MKRN1: variants seen among roughly 807,000 people sequenced by gnomAD.
MKRN1 encodes makorin ring finger protein 1.
MKRN1 carries 9 observed loss-of-function variants against 55.5 expected under a neutral mutation model. The ratio of observed to expected loss-of-function variants is 0.16; its 90% confidence interval spans 0.10 to 0.28. The LOEUF (loss-of-function observed/expected upper bound fraction) is 0.28. MKRN1 is among the 10% of genes least tolerant of loss of function. The pLI is 1.00. For synonymous variants in MKRN1, 253 were observed against 235.9 expected (o/e 1.07, Z -0.66); for missense variants, 488 against 626.7 (o/e 0.78, Z 2.36).
At chr7:140,455,291 TATC>T in intron 6 of MKRN1, 58 bp from the exon 7 acceptor site, 2 of 1,602,328 alleles carry the variant, frequency 1.2e-6, no homozygotes, top group African/African-American at 1.3e-5. Flanking sequence ...TGTATTTGAC[TATC>T]ATCCGGGGTT....
chr7:140,472,432 C>CA (rs911634997), intron 1 of MKRN1: 116 of 148,222 alleles, frequency 7.8e-4, no homozygotes, highest in East Asian at 2.1e-3. Context: ...GACTCCATTT[C>CA]AAAAAAAAAA....
At position 140,459,813 on chromosome 7, in the gene MKRN1, T is replaced by C. The variant is rs760593670; in HGVS notation, c.438A>G (p.Thr146=). 5.9e-5 allele frequency: 95 copies of C among 1,613,870 alleles called. No homozygotes were observed. In the Admixed American group the frequency reaches 1.6e-3, roughly 26 times the overall value. The part of the protein sequence containing the change: ...SIVGPLVEMN[T]GEAESRNSNF... ...TTGAATTTCTTGACTCAGCTTCGCC[T>C]GTATTCATTTCAACAAGTGGTCCAA... Residue 146 remains threonine (T), a synonymous_variant, in exon 3 of 8, where the codon ACA becomes ACG. Coordinates refer to ENST00000255977, the MANE Select transcript of MKRN1 (RefSeq NM_013446.4).
At position 140,459,020 on chromosome 7, in the gene MKRN1, G is replaced by A. The variant is rs751399882; in HGVS notation, c.758C>T (p.Ser253Leu). 5 of 1,613,706 alleles carry A rather than the reference G, an allele frequency of 3.1e-6. No homozygotes were observed. Among genetic ancestry groups the A allele is most frequent in the East Asian group, 2.2e-5 (1 of 44,892 alleles). ...VLHPMDAAQRSQHIKSCIEAH... is the reference protein window; with the variant it reads ...VLHPMDAAQRLQHIKSCIEAH... Reference sequence around the variant, plus strand: ...CTAAAGACTTACTTTGATATGCTGCGATCTCTGGGCAGCATCCATTGGATG... The same window carrying A: ...CTAAAGACTTACTTTGATATGCTGCAATCTCTGGGCAGCATCCATTGGATG... The change falls in exon 4 of 8, where the codon TCG becomes TTG. Residue 253 changes from serine (S) to leucine (L), a missense_variant. This residue lies in a region of MKRN1 where 278 missense variants were observed against 406.7 expected (regional missense o/e 0.68). Transcript: ENST00000255977.
At chr7:140,456,976 A>C in intron 4 of MKRN1, 110 bp from the exon 5 acceptor site, 1 of 1,120,336 alleles carries the variant, frequency 8.9e-7, no homozygotes, top group Non-Finnish European at 1.3e-6. Context: ...CTGAAAAAAC[A>C]ATGTTCCCAA....
chr7:140,465,856 C>A (rs572457657), intron 2 of MKRN1, among the ~76,000 whole-genome samples: 1 of 151,784 alleles, frequency 6.6e-6, no homozygotes. Flanking sequence ...CCGAGGTGGG[C>A]GGATCAGGAG....
Position 140,479,196 on chromosome 7 carries a change from C to T in MKRN1, c.149G>A (p.Gly50Asp). The change falls in exon 1 of 8, where the codon GGC becomes GAC. Residue 50 changes from glycine to aspartate, a missense_variant. Transcript: ENST00000255977. ...CTGTTTAGTCCAGCCGCCGCCGCTG[C>T]CGTCGCTGCCGCCGCCCCCTCCGCC... Reference protein sequence around the residue: ...GAGGGGGGSDGSGGGWTKQVT... With the variant: ...GAGGGGGGSDDSGGGWTKQVT... The T allele has an allele frequency of 6.8e-7, 1 of 1,464,114 alleles. No homozygotes were observed. The highest frequency in any genetic ancestry group is 1.3e-5 in the South Asian group (1 of 75,234). The allele number at this position is 1,464,114 out of a possible 1,614,324, so 90.7% of individuals were successfully genotyped here. A position where few individuals can be genotyped will look rare whatever the true frequency, so the allele number is the denominator to read the frequency against.
chr7:140,468,089 C>T (rs1275501901), intron 2 of MKRN1, among the ~76,000 whole-genome samples: 1 of 151,786 alleles, frequency 6.6e-6, no homozygotes, highest in African/African-American at 2.4e-5. Flanking sequence ...TCTACACAGT[C>T]CATTCAGATG....
rs752836500 is a variant in MKRN1 at position 140,454,466 on chromosome 7, G to A, written c.*51C>T. The A allele has an allele frequency of 9.8e-6, 15 of 1,536,614 alleles. No individual in the cohort carries two copies. The highest frequency in any genetic ancestry group is 4.1e-5 in the African/African-American group (3 of 73,440). On this transcript the variant is annotated 3_prime_UTR_variant, in exon 8 of 8. Transcript: ENST00000255977. ...CAGGCACTGCCACACCACCACAGGG[G>A]ACAGCTGCTGTCTGAGGTCAGCAGA... is the stretch of plus-strand genomic sequence containing the variant.
chr7:140,457,321 T>C (rs1451498352), intron 4 of MKRN1, among the ~76,000 whole-genome samples: 2 of 152,194 alleles, frequency 1.3e-5, no homozygotes, highest in African/African-American at 2.4e-5. Flanking sequence ...CTCAGCTTGA[T>C]AGACTGATGC....
chr7:140,458,988 C>A lies in MKRN1; in HGVS notation c.771+19G>T, dbSNP rs1197534589. 2.5e-6 allele frequency: 4 copies of A among 1,610,538 alleles called. No homozygotes were observed. In the African/African-American group the frequency reaches 5.3e-5, roughly 22 times the overall value. On this transcript the variant is annotated intron_variant, in intron 4 of 7. Coordinates refer to ENST00000255977, the MANE Select transcript of MKRN1 (RefSeq NM_013446.4). ...TGATTCTCACATCTAATAACACACA[C>A]ATCTCCCTAAAGACTTACTTTGATA...
At chr7:140,479,521 G>GGCCCAGAGCATGCGC (rs1795230832), upstream of MKRN1, 1 of 615,084 alleles carries the variant, frequency 1.6e-6, no homozygotes, top group African/African-American at 1.9e-5. Context: ...TTCAACTGCG[G>GGCCCAGAGCATGCGC]GCCCAGAGCA....
chr7:140,475,680 T>C (rs1795099237), intron 1 of MKRN1, among the ~76,000 whole-genome samples: 1 of 151,918 alleles, frequency 6.6e-6, no homozygotes. Flanking sequence ...TACAAATAAA[T>C]ACAAATAAAA....
intron 1 of MKRN1, 69 bp from the exon 2 acceptor site, chr7:140,472,080 C>A: frequency 6.4e-7 from 1 of 1,569,194 alleles, no homozygotes; most frequent in Non-Finnish European, 8.7e-7. Context: ...AATTAGTATT[C>A]ATGACTAATA....
intron 4 of MKRN1, among the ~76,000 whole-genome samples, chr7:140,458,724 T>C (rs912117312): frequency 1.3e-5 from 2 of 152,180 alleles, no homozygotes; most frequent in Non-Finnish European, 2.9e-5. Flanking sequence ...GTAGGACTTC[T>C]TTTTTTCTTT....
chr7:140,459,201 C>T lies in MKRN1; in HGVS notation c.577G>A (p.Gly193Ser). 6.2e-7 allele frequency: 1 copy of T among 1,613,916 alleles called. No homozygotes were observed. Among genetic ancestry groups the T allele is most frequent in the Non-Finnish European group, 8.5e-7 (1 of 1,179,856 alleles). The change falls in exon 4 of 8, where the codon GGC (glycine) becomes AGC (serine). Residue 193 changes from glycine to serine, a missense_variant. Gly to Ser is a moderately conservative substitution (Grantham distance 56). Transcript: ENST00000255977. Reference sequence around the variant, plus strand: ...TCTGATTCTTCCTTGGTCACTGAGCCCTGCAGGGGTGCTTCAGTGCAGGAA... The same window carrying T: ...TCTGATTCTTCCTTGGTCACTGAGCTCTGCAGGGGTGCTTCAGTGCAGGAA... ...APSCTEAPLQ[G>S]SVTKEESEKE...
chr7:140,454,643 G>A lies in MKRN1; in HGVS notation c.1323C>T (p.Thr441=), dbSNP rs1794416153. The change falls in exon 8 of 8, where the codon ACC becomes ACT. Residue 441 remains threonine (T), a synonymous_variant. Transcript: ENST00000255977. ...TAAGCAACATCTCGCCCAGCTCAAAGGTGACAACCTCTTCTTCATCGTTGT... is the reference window on the plus strand; with the variant it reads ...TAAGCAACATCTCGCCCAGCTCAAAAGTGACAACCTCTTCTTCATCGTTGT... The part of the protein sequence containing the change: ...PFDNDEEEVV[T]FELGEMLLML... 2 of 1,613,956 alleles carry A rather than the reference G, an allele frequency of 1.2e-6. No individual in the cohort carries two copies. Among genetic ancestry groups the A allele is most frequent in the African/African-American group, 2.7e-5 (2 of 75,038 alleles).
intron 2 of MKRN1, among the ~76,000 whole-genome samples, chr7:140,464,721 C>T (rs1247280990): frequency 6.7e-6 from 1 of 150,094 alleles, no homozygotes; most frequent in Non-Finnish European, 1.5e-5. Flanking sequence ...AACAAACAAA[C>T]AAAACAAAAC....
At chr7:140,471,256 G>A (rs923161675) in intron 2 of MKRN1, among the ~76,000 whole-genome samples, 7 of 150,472 alleles carry the variant, frequency 4.7e-5, no homozygotes, top group Non-Finnish European at 1.0e-4. Context: ...GCATCCCTGT[G>A]GTCCCAGCTA....
intron 1 of MKRN1, among the ~76,000 whole-genome samples, chr7:140,477,306 T>G (rs1328582919): frequency 7.0e-6 from 1 of 143,592 alleles, no homozygotes; most frequent in African/African-American, 2.9e-5. Context: ...AAATCTAAGC[T>G]CTTTCTTTTC....
Sources: allele counts gnomAD v4.1 joint callset (sites outside exome capture counted in the v4.1 genomes callset), GRCh38; gene constraint gnomAD v4.1.1; regional missense constraint gnomAD v4.1.1; transcripts MANE v1.5; gene names NCBI Gene and HGNC (gene_info 2026-07-23, HGNC 2026-07-21).